Variants in SLBP observed in about 807,000 individuals in gnomAD.
The protein encoded by SLBP is histone RNA hairpin-binding protein.
Under a neutral mutation model 39.2 loss-of-function variants are expected in SLBP, and 29 were observed. The observed-to-expected ratio is 0.74, with a 90% confidence interval of 0.55 to 1.01. SLBP has a LOEUF of 1.01. SLBP is among the 50% of genes least tolerant of loss of function. The probability of loss-of-function intolerance (pLI) is 0.00; values close to 1 mark genes in which losing one functional copy is unlikely to be tolerated. For missense variants in SLBP, 390 were observed against 350.2 expected, an observed-to-expected ratio of 1.11 and a Z score of -0.91; for synonymous variants, 129 against 118.7, an observed-to-expected ratio of 1.09 and a Z score of -0.57.
intron 2 of SLBP, among the ~76,000 whole-genome samples, chr4:1,706,359 T>C (rs1193220976): frequency 6.6e-6 from 1 of 152,258 alleles, no homozygotes. Flanking sequence ...CAGAATGTTA[T>C]GTACACTATG....
rs1716244547 is a variant in SLBP at position 1,699,509 on chromosome 4, T to TTA, written c.479+53_479+54dup. On this transcript the variant is annotated intron_variant, in intron 5 of 7. Coordinates refer to ENST00000489418, the MANE Select transcript of SLBP (RefSeq NM_006527.4). ...TGTACTACCCAATCTAAGCAACTCTTTAGAAACGCAATGCCACACAGCTTG... is the reference window on the plus strand; with the variant it reads ...TGTACTACCCAATCTAAGCAACTCTTTATAGAAACGCAATGCCACACAGCTTG... 4 of 1,595,836 alleles carry TTA rather than the reference T, an allele frequency of 2.5e-6. No homozygotes were observed. The Admixed American group carries it at 6.7e-5, about 27-fold the overall frequency.
chr4:1,707,082 G>A (rs1442495739), intron 2 of SLBP, among the ~76,000 whole-genome samples: 1 of 150,514 alleles, frequency 6.6e-6, no homozygotes, highest in African/African-American at 2.4e-5. Context: ...AGCCGGGCGC[G>A]GTGGCGGGCG....
At chr4:1,699,749 CATGT>C (rs1379305646) in intron 4 of SLBP, 48 bp from the exon 5 acceptor site, 1 of 1,576,820 alleles carries the variant, frequency 6.3e-7, no homozygotes, top group Admixed American at 1.7e-5. Context: ...TTAAGATCAC[CATGT>C]ATGTAAGGTA....
At chr4:1,706,327 C>A (rs761488805) in intron 2 of SLBP, among the ~76,000 whole-genome samples, 1 of 152,078 alleles carries the variant, frequency 6.6e-6, no homozygotes, top group Non-Finnish European at 1.5e-5. Flanking sequence ...ATTTACCTTT[C>A]GGGCGCATGT....
chr4:1,710,289 TGCTTCTCTAAGCA>T (rs1349686427), intron 2 of SLBP, among the ~76,000 whole-genome samples: 14 of 152,378 alleles, frequency 9.2e-5, no homozygotes, highest in Middle Eastern at 3.4e-3. Flanking sequence ...ACATCTCCTT[TGCTTCTCTAAGCA>T]GCTTCTCAAG....
Position 1,704,622 on chromosome 4 carries a change from C to T in SLBP, c.177-922G>A, listed in dbSNP as rs1373053981. Among the ~76,000 whole-genome samples the T allele has an allele frequency of 2.6e-5, 4 of 152,300 alleles. No individual in the cohort carries two copies. In the East Asian group the frequency reaches 7.7e-4, roughly 29 times the overall value. On this transcript the variant is annotated intron_variant, in intron 2 of 7. Transcript: ENST00000489418. ...GACGGTGCAGAGCAACTACTCACTTCCAGCAACCTCGTGCTTCCCCTGGCT... is the reference window on the plus strand; with the variant it reads ...GACGGTGCAGAGCAACTACTCACTTTCAGCAACCTCGTGCTTCCCCTGGCT...
chr4:1,711,119 A>AT (rs1716750387), intron 2 of SLBP, among the ~76,000 whole-genome samples: 1 of 149,888 alleles, frequency 6.7e-6, no homozygotes, highest in Non-Finnish European at 1.5e-5. Flanking sequence ...GCTCAGCATA[A>AT]TTTTTTCCTT....
At chr4:1,705,451 G>A (rs941743821) in intron 2 of SLBP, among the ~76,000 whole-genome samples, 14 of 152,198 alleles carry the variant, frequency 9.2e-5, no homozygotes, top group African/African-American at 3.4e-4. Flanking sequence ...TTTGATCATG[G>A]ATGTAGCACA....
intron 2 of SLBP, among the ~76,000 whole-genome samples, chr4:1,704,565 G>A (rs1418518678): frequency 5.9e-5 from 9 of 152,008 alleles, no homozygotes; most frequent in East Asian, 1.9e-4. Flanking sequence ...TTCACAGATC[G>A]CGGGCACATC....
At chr4:1,710,722 G>C (rs1319247590) in intron 2 of SLBP, among the ~76,000 whole-genome samples, 1 of 151,850 alleles carries the variant, frequency 6.6e-6, no homozygotes, top group Admixed American at 6.6e-5. Context: ...ATTTAATCTT[G>C]TATCTGTAGG....
chr4:1,711,022 G>A (rs1241463463), intron 2 of SLBP, among the ~76,000 whole-genome samples: 6 of 140,212 alleles, frequency 4.3e-5, no homozygotes, highest in African/African-American at 1.6e-4. Context: ...CCGCACTCCA[G>A]CCTGTGAGAC....
chr4:1,697,841 CA>C lies in SLBP; in HGVS notation c.480-1491del, dbSNP rs1390905260. ...CCTGGACTAGAGTGAAACTCGGTCTCAAAAAAATCACTATCCGCTGGGCACA... is the reference window on the plus strand; with the variant it reads ...CCTGGACTAGAGTGAAACTCGGTCTCAAAAAATCACTATCCGCTGGGCACA... On this transcript the variant is annotated intron_variant, in intron 5 of 7. Coordinates refer to ENST00000489418, the MANE Select transcript of SLBP (RefSeq NM_006527.4). 3.9e-5 allele frequency among the ~76,000 whole-genome samples: 6 copies of C among 152,068 alleles called. No individual in the cohort carries two copies. The East Asian group carries it at 1.2e-3, about 29-fold the overall frequency.
At chr4:1,698,085 G>A (rs1202061725) in intron 5 of SLBP, among the ~76,000 whole-genome samples, 2 of 151,938 alleles carry the variant, frequency 1.3e-5, no homozygotes, top group East Asian at 3.9e-4. Flanking sequence ...ATGATGGTTG[G>A]GCGTGGTGGC....
intron 5 of SLBP, among the ~76,000 whole-genome samples, chr4:1,698,930 C>T (rs1258580379): frequency 1.3e-5 from 2 of 152,112 alleles, no homozygotes. Context: ...GCTGGGACTA[C>T]AGGTGCAAAC....
At chr4:1,702,423 A>G (rs1560251319) in intron 3 of SLBP, among the ~76,000 whole-genome samples, 1 of 152,226 alleles carries the variant, frequency 6.6e-6, no homozygotes, top group Non-Finnish European at 1.5e-5. Context: ...AGGCTGATAT[A>G]AATACCATCA....
intron 2 of SLBP, 151 bp from the exon 3 acceptor site, chr4:1,703,851 A>T (rs1716421052): frequency 1.5e-6 from 1 of 647,586 alleles, no homozygotes; most frequent in African/African-American, 1.8e-5. Context: ...GATCACTTGA[A>T]CCCAGGAGTT....
At position 1,704,923 on chromosome 4, in the gene SLBP, ATT is replaced by A. The variant is rs1403515731; in HGVS notation, c.177-1225_177-1224del. On this transcript the variant is annotated intron_variant, in intron 2 of 7. Coordinates refer to ENST00000489418, the MANE Select transcript of SLBP (RefSeq NM_006527.4). ...GCCTCCTCCTGTTCTGCACTGACCC[ATT>A]CTTTTTTTTTTTTCTTTTTGAGACG... Among the ~76,000 whole-genome samples the A allele has an allele frequency of 3.4e-5, 5 of 146,016 alleles. No homozygotes were observed. The Middle Eastern group carries it at 0.011, about 311-fold the overall frequency.
chr4:1,694,899 G>A (rs759926335), intron 6 of SLBP, 59 bp from the exon 7 acceptor site: 3 of 1,198,706 alleles, frequency 2.5e-6, no homozygotes, highest in South Asian at 1.2e-5. Flanking sequence ...CAGGAGACGG[G>A]GCGCTACAGA....
In SLBP at chr4:1,703,466, C is replaced by G. The variant is rs905438527; in HGVS notation, c.281+130G>C. 1.8e-5 allele frequency: 12 copies of G among 663,892 alleles called. No homozygotes were observed. The African/African-American group carries it at 2.2e-4, about 12-fold the overall frequency. The allele number at this position is 663,892 out of a possible 1,614,324, so 41.1% of individuals were successfully genotyped here. ...GAGAATCTGTATTTCTAACAAGTTCCCAGGAAATGTTGATGCCTTTGGTCT... is the reference window on the plus strand; with the variant it reads ...GAGAATCTGTATTTCTAACAAGTTCGCAGGAAATGTTGATGCCTTTGGTCT... On this transcript the variant is annotated intron_variant, in intron 3 of 7. Transcript: ENST00000489418.
Sources: gnomAD v4.1 joint callset for allele counts (sites outside exome capture counted in the v4.1 genomes callset) on GRCh38, gnomAD v4.1.1 for gene constraint, MANE v1.5 for transcripts, NCBI Gene and HGNC (gene_info 2026-07-23, HGNC 2026-07-21) for gene names.